LRFN2: variants seen among roughly 807,000 people sequenced by gnomAD.
LRFN2 encodes leucine-rich repeat and fibronectin type-III domain-containing protein 2.
In LRFN2, 18 loss-of-function variants were observed where a neutral mutation model predicts 37.3. The observed-to-expected ratio is 0.48, with a 90% CI of 0.33 to 0.72. The LOEUF (loss-of-function observed/expected upper bound fraction) is 0.72, where lower values mean the gene tolerates loss of function less well. Among genes scored for constraint, LRFN2 ranks in the 30% least tolerant of loss-of-function variants. The pLI is 0.02. For missense variants in LRFN2, 1,006 were observed against 1,060.7 expected (o/e 0.95, Z 0.72); for synonymous variants, 556 against 466.6 (o/e 1.19, Z -2.47).
At chr6:40,578,228 C>T (rs568018088) in intron 1 of LRFN2, among the ~76,000 whole-genome samples, 67 of 152,322 alleles carry the variant, frequency 4.4e-4, no homozygotes, top group African/African-American at 1.5e-3. Context: ...TCTAGTTATG[C>T]AAGCCTGGAA....
chr6:40,526,738 C>T (rs1310007671), intron 1 of LRFN2, among the ~76,000 whole-genome samples: 1 of 152,204 alleles, frequency 6.6e-6, no homozygotes, highest in Non-Finnish European at 1.5e-5. Context: ...CCTCCTGCAT[C>T]TCTTGTCCCT....
At chr6:40,500,135 A>G (rs1765338650) in intron 1 of LRFN2, among the ~76,000 whole-genome samples, 1 of 152,332 alleles carries the variant, frequency 6.6e-6, no homozygotes, top group East Asian at 1.9e-4. Flanking sequence ...GGGCCCTCAG[A>G]GAAACCCCAT....
chr6:40,503,247 T>C (rs114329461), intron 1 of LRFN2, among the ~76,000 whole-genome samples: 2,648 of 151,956 alleles, frequency 0.017, 23 homozygotes, highest in Non-Finnish European at 0.024. Flanking sequence ...GGTGTGGAAA[T>C]TGGATCAAGC....
chr6:40,404,381 T>C (rs992874039), intron 2 of LRFN2, among the ~76,000 whole-genome samples: 9 of 152,154 alleles, frequency 5.9e-5, no homozygotes, highest in Non-Finnish European at 1.0e-4. Context: ...GTTGAAAACA[T>C]TGGTTGAACT....
At chr6:40,514,678 G>C (rs1468509960) in intron 1 of LRFN2, among the ~76,000 whole-genome samples, 1 of 152,192 alleles carries the variant, frequency 6.6e-6, no homozygotes, top group Non-Finnish European at 1.5e-5. Context: ...AAGGATCTGA[G>C]AAGGTCTGCA....
chr6:40,586,761 T>C (rs1441733088), intron 1 of LRFN2, among the ~76,000 whole-genome samples, 180 bp downstream of exon 1: 1 of 152,092 alleles, frequency 6.6e-6, no homozygotes, highest in Non-Finnish European at 1.5e-5. Flanking sequence ...AGGAAATCTC[T>C]CGCGATAAGG....
chr6:40,515,619 T>C (rs1024938766), intron 1 of LRFN2, among the ~76,000 whole-genome samples: 5 of 152,148 alleles, frequency 3.3e-5, no homozygotes, highest in Admixed American at 1.3e-4. Context: ...CTGGGCGCGG[T>C]GGCTCACGCC....
chr6:40,528,726 G>C (rs575550346), intron 1 of LRFN2, among the ~76,000 whole-genome samples: 3 of 152,112 alleles, frequency 2.0e-5, no homozygotes, highest in Non-Finnish European at 4.4e-5. Context: ...AATTGCCTTC[G>C]CATCATTGTA....
intron 1 of LRFN2, among the ~76,000 whole-genome samples, chr6:40,482,834 G>C (rs576313435): frequency 6.6e-6 from 1 of 152,338 alleles, no homozygotes; most frequent in Admixed American, 6.5e-5. Context: ...GAGGAACTCA[G>C]AGTACAGGCA....
At chr6:40,466,473 G>C (rs1764469492) in intron 1 of LRFN2, among the ~76,000 whole-genome samples, 1 of 152,146 alleles carries the variant, frequency 6.6e-6, no homozygotes, top group South Asian at 2.1e-4. Context: ...CCACCTGAAA[G>C]ACAGCCATTA....
chr6:40,514,736 T>C (rs1277881351), intron 1 of LRFN2, among the ~76,000 whole-genome samples: 1 of 152,268 alleles, frequency 6.6e-6, no homozygotes, highest in Non-Finnish European at 1.5e-5. Context: ...TCAAAATTTC[T>C]TGATTTAGCC....
chr6:40,473,671 C>A (rs1764652016), intron 1 of LRFN2, among the ~76,000 whole-genome samples: 1 of 152,122 alleles, frequency 6.6e-6, no homozygotes, highest in African/African-American at 2.4e-5. Flanking sequence ...CATCTATCAA[C>A]CCATCATCTA....
At chr6:40,400,263 A>G (rs1762710154) in intron 2 of LRFN2, among the ~76,000 whole-genome samples, 1 of 151,710 alleles carries the variant, frequency 6.6e-6, no homozygotes, top group African/African-American at 2.4e-5. Flanking sequence ...CTGAGTAAAT[A>G]TTTACCCTAC....
chr6:40,420,571 C>T (rs1024445091), intron 2 of LRFN2, among the ~76,000 whole-genome samples: 2 of 152,260 alleles, frequency 1.3e-5, no homozygotes, highest in African/African-American at 2.4e-5. Flanking sequence ...GCGATGCTTT[C>T]GCCCATGCAG....
rs58231910 is a variant in LRFN2 at position 40,423,237 on chromosome 6, T to C, written c.1400+8477A>G. On this transcript the variant is annotated intron_variant, in intron 2 of 2. Transcript: ENST00000338305. Reference sequence around the variant, plus strand: ...GTGAAAATATTTCTGAAAGGGGTTATACCTTATACCTTGATCCCTTAAAAC... The same window carrying C: ...GTGAAAATATTTCTGAAAGGGGTTACACCTTATACCTTGATCCCTTAAAAC... Among the ~76,000 whole-genome samples, 622 of 152,360 alleles carry C rather than the reference T, an allele frequency of 4.1e-3. 15 individuals are homozygous for C. In the East Asian group the frequency reaches 0.06, roughly 15 times the overall value.
At chr6:40,503,198 G>A (rs1180485119) in intron 1 of LRFN2, among the ~76,000 whole-genome samples, 2 of 152,196 alleles carry the variant, frequency 1.3e-5, no homozygotes, top group East Asian at 3.9e-4. Flanking sequence ...GGGTTCAGTG[G>A]GGTTAGGATG....
chr6:40,491,296 G>T (rs948395853), intron 1 of LRFN2, among the ~76,000 whole-genome samples: 1 of 152,208 alleles, frequency 6.6e-6, no homozygotes, highest in South Asian at 2.1e-4. Flanking sequence ...TTCCCTGGGT[G>T]CCCATCTTAG....
chr6:40,416,795 C>G lies in LRFN2; in HGVS notation c.1400+14919G>C, dbSNP rs566203224. Among the ~76,000 whole-genome samples, 4 of 152,282 alleles carry G rather than the reference C, an allele frequency of 2.6e-5. No homozygotes were observed. The South Asian group carries it at 8.3e-4, about 32-fold the overall frequency. On this transcript the variant is annotated intron_variant, in intron 2 of 2. Coordinates refer to ENST00000338305, the MANE Select transcript of LRFN2 (RefSeq NM_020737.3). ...GTCAGCATCCACTGTTCGCCAGTCC[C>G]AGGAAAAAACCCACTTCGCCATCTC...
chr6:40,475,113 C>A (rs1764681354), intron 1 of LRFN2, among the ~76,000 whole-genome samples: 1 of 152,138 alleles, frequency 6.6e-6, no homozygotes, highest in South Asian at 2.1e-4. Flanking sequence ...GTCAGTATGG[C>A]CCCAAAGTCT....
Sources: allele counts gnomAD v4.1 joint callset (sites outside exome capture counted in the v4.1 genomes callset), GRCh38; gene constraint gnomAD v4.1.1; transcripts MANE v1.5; gene names NCBI Gene and HGNC (gene_info 2026-07-23, HGNC 2026-07-21).